Variants in EYS observed in about 807,000 individuals in gnomAD.
EYS encodes the protein EGF-like photoreceptor maintenance factor.
EYS carries 250 observed loss-of-function variants against 282.1 expected under a neutral mutation model. That is an observed-to-expected ratio of 0.89 (90% CI 0.80 to 0.98). The LOEUF is 0.98. Among genes scored for constraint, EYS ranks in the 50% least tolerant of loss-of-function variants. The probability of loss-of-function intolerance (pLI) is 0.00; values close to 1 mark genes in which losing one functional copy is unlikely to be tolerated. For missense variants in EYS, 4,016 were observed against 3,709.0 expected (o/e 1.08, Z -2.15); for synonymous variants, 1,355 against 1,282.9 (o/e 1.06, Z -1.20).
intron 2 of EYS, among the ~76,000 whole-genome samples, chr6:65,522,355 C>T (rs928885062): frequency 2.0e-5 from 3 of 152,086 alleles, no homozygotes; most frequent in African/African-American, 4.8e-5. Context: ...AATCCCAGCA[C>T]TTTGGGAGGC....
At chr6:65,644,993 A>C (rs6905691) in intron 1 of EYS, among the ~76,000 whole-genome samples, 7,714 of 152,238 alleles carry the variant, frequency 0.051, 415 homozygotes, top group East Asian at 0.3. Context: ...CAATAACACA[A>C]TGAAACAAAC....
intron 12 of EYS, among the ~76,000 whole-genome samples, chr6:65,206,852 C>G (rs1260681595): frequency 1.3e-5 from 2 of 151,758 alleles, no homozygotes; most frequent in Non-Finnish European, 3.0e-5. Context: ...CCTCAACAAA[C>G]TAGCAATTGA....
At chr6:64,437,397 G>T (rs1469295376) in intron 27 of EYS, among the ~76,000 whole-genome samples, 1 of 151,536 alleles carries the variant, frequency 6.6e-6, no homozygotes, top group Non-Finnish European at 1.5e-5. Context: ...AAAAAGAAAG[G>T]ATATATACTT....
intron 22 of EYS, among the ~76,000 whole-genome samples, chr6:64,696,532 C>G (rs9354034): frequency 0.67 from 102,346 of 151,898 alleles, 35,668 homozygotes; most frequent in Middle Eastern, 0.78. Flanking sequence ...GCAAGAAGGA[C>G]CTCACCATGA....
chr6:65,607,399 C>A, intron 2 of EYS, among the ~76,000 whole-genome samples: 1 of 151,784 alleles, frequency 6.6e-6, no homozygotes, highest in East Asian at 1.9e-4. Context: ...CCTTTGTGCT[C>A]TTGACAACTT....
chr6:65,099,540 G>A (rs2150182527), intron 12 of EYS, among the ~76,000 whole-genome samples: 1 of 150,614 alleles, frequency 6.6e-6, no homozygotes, highest in South Asian at 2.1e-4. Context: ...TAGATGAATG[G>A]CACAGTATTG....
intron 41 of EYS, among the ~76,000 whole-genome samples, chr6:63,751,055 AC>A (rs1222700854): frequency 6.6e-6 from 1 of 152,058 alleles, no homozygotes; most frequent in Non-Finnish European, 1.5e-5. Flanking sequence ...TTTAAGTTGA[AC>A]AATTCCTACT....
chr6:64,546,010 G>A (rs1375683402), intron 26 of EYS, among the ~76,000 whole-genome samples: 1 of 152,038 alleles, frequency 6.6e-6, no homozygotes, highest in Non-Finnish European at 1.5e-5. Context: ...TCACAGAATT[G>A]GAAAAAACTA....
intron 15 of EYS, among the ~76,000 whole-genome samples, chr6:64,945,361 T>C (rs1442830939): frequency 6.6e-6 from 1 of 152,028 alleles, no homozygotes; most frequent in Non-Finnish European, 1.5e-5. Context: ...ATTTATACTA[T>C]AAAATATATC....
chr6:63,722,738 C>T (rs570170253), intron 42 of EYS, among the ~76,000 whole-genome samples: 19 of 152,308 alleles, frequency 1.2e-4, no homozygotes, highest in African/African-American at 4.3e-4. Context: ...CTTCCTCCCT[C>T]CAGAGTGCCT....
chr6:63,947,164 A>C (rs1195029199), intron 35 of EYS, among the ~76,000 whole-genome samples: 3 of 152,058 alleles, frequency 2.0e-5, no homozygotes, highest in Admixed American at 6.6e-5. Context: ...TGTTATAATA[A>C]CATTTGTATA....
At chr6:64,881,086 A>G (rs1299057557) in intron 19 of EYS, among the ~76,000 whole-genome samples, 2 of 151,628 alleles carry the variant, frequency 1.3e-5, no homozygotes, top group African/African-American at 4.8e-5. Context: ...CTATTGAGAC[A>G]CTTTGTCCAT....
Position 64,046,276 on chromosome 6 carries a change from G to A in EYS, c.6725+20062C>T, listed in dbSNP as rs186334888. 1.6e-4 allele frequency among the ~76,000 whole-genome samples: 24 copies of A among 151,934 alleles called. No individual in the cohort carries two copies. The East Asian group carries it at 2.7e-3, about 17-fold the overall frequency. ...TAAGCAGTGACAATTTGAAGGGATC[G>A]ATTTCAGACCTAAAATACAAAAAGG... is the stretch of plus-strand genomic sequence containing the variant. On this transcript the variant is annotated intron_variant, in intron 33 of 42. Coordinates refer to ENST00000503581, the MANE Select transcript of EYS (RefSeq NM_001142800.2).
chr6:63,780,905 C>T (rs1346648586), intron 39 of EYS, among the ~76,000 whole-genome samples: 1 of 152,116 alleles, frequency 6.6e-6, no homozygotes, highest in Non-Finnish European at 1.5e-5. Context: ...GTCTTCAATC[C>T]ATCTTGAATT....
At chr6:65,182,865 C>T (rs567145505) in intron 12 of EYS, among the ~76,000 whole-genome samples, 54 of 151,968 alleles carry the variant, frequency 3.6e-4, no homozygotes, top group African/African-American at 1.1e-3. Context: ...CTTGACTCAC[C>T]GCATCCTTGA....
chr6:63,837,625 A>T (rs1771842492), intron 36 of EYS, among the ~76,000 whole-genome samples: 1 of 152,180 alleles, frequency 6.6e-6, no homozygotes, highest in Non-Finnish European at 1.5e-5. Context: ...TATCCAGATA[A>T]GTTTACAAAT....
chr6:65,181,559 C>T (rs1001317262), intron 12 of EYS, among the ~76,000 whole-genome samples: 12 of 152,044 alleles, frequency 7.9e-5, no homozygotes, highest in African/African-American at 2.7e-4. Context: ...CAGGAAACAA[C>T]AGGTGCTGGA....
intron 12 of EYS, among the ~76,000 whole-genome samples, chr6:65,247,667 G>A (rs17580078): frequency 0.15 from 22,118 of 151,874 alleles, 2,171 homozygotes; most frequent in South Asian, 0.27. Flanking sequence ...CAGACACCTT[G>A]GCAAATTTGT....
In EYS at chr6:63,941,695, G is replaced by T. The variant is rs543379680; in HGVS notation, c.7055+42688C>A. 1.3e-4 allele frequency among the ~76,000 whole-genome samples: 20 copies of T among 152,222 alleles called. No homozygotes were observed. In the South Asian group the frequency reaches 4.1e-3, roughly 32 times the overall value. On this transcript the variant is annotated intron_variant, in intron 35 of 42. Transcript: ENST00000503581. ...AAGCACTAGGATTTCAGGCAGAAAG[G>T]GATAAGCTAATGCTACTGTTTGTGC...
Sources: allele counts gnomAD v4.1 joint callset (sites outside exome capture counted in the v4.1 genomes callset), GRCh38; gene constraint gnomAD v4.1.1; transcripts MANE v1.5; gene names NCBI Gene and HGNC (gene_info 2026-07-23, HGNC 2026-07-21).